Variants in SLC3A1 observed in about 807,000 individuals in gnomAD.
SLC3A1 encodes solute carrier family 3 member 1.
Under a neutral mutation model 60.3 loss-of-function variants are expected in SLC3A1, and 78 were observed. The ratio of observed to expected loss-of-function variants is 1.29; its 90% CI spans 1.08 to 1.56. The LOEUF is 1.56. SLC3A1 is among the 40% of genes most tolerant of loss of function. The probability of loss-of-function intolerance (pLI) is 0.00; values close to 1 mark genes in which losing one functional copy is unlikely to be tolerated. For missense variants in SLC3A1, 1,172 were observed against 858.9 expected (o/e 1.36, Z -4.56); for synonymous variants, 392 against 307.9 (o/e 1.27, Z -2.86).
chr2:44,321,648 CAA>C (rs1196588651), downstream of SLC3A1: 7 of 1,515,452 alleles, frequency 4.6e-6, no homozygotes, highest in African/African-American at 1.4e-5. Flanking sequence ...GTATCAAGTA[CAA>C]GAGAGAGACA....
intron 7 of SLC3A1, among the ~76,000 whole-genome samples, chr2:44,306,066 G>A (rs944304678): frequency 2.6e-5 from 4 of 152,186 alleles, no homozygotes; most frequent in African/African-American, 9.7e-5. Context: ...CTCAGGCTCA[G>A]GGTTTGTTTG....
chr2:44,318,402 T>C (rs974798229), intron 9 of SLC3A1: 2 of 177,942 alleles, frequency 1.1e-5, no homozygotes, highest in Non-Finnish European at 2.4e-5. Flanking sequence ...GCAAAATTTG[T>C]TTTTAATAGA....
chr2:44,320,661 G>C lies in SLC3A1; in HGVS notation c.*22G>C, dbSNP rs761541250. ...TTAGGCACCTTTATGAAGAGATGAA[G>C]ACACTGGCATTTCAGTGGGATTGTA... On this transcript the variant is annotated 3_prime_UTR_variant, in exon 10 of 10. Transcript: ENST00000260649. 2 of 1,579,984 alleles carry C rather than the reference G, an allele frequency of 1.3e-6. No individual in the cohort carries two copies.
At chr2:44,296,383 C>T (rs1362765368) in intron 4 of SLC3A1, among the ~76,000 whole-genome samples, 2 of 152,260 alleles carry the variant, frequency 1.3e-5, no homozygotes, top group East Asian at 3.9e-4. Context: ...TGCCTAAGTG[C>T]CTGGTATACA....
At chr2:44,308,940 G>A (rs1672223541) in intron 7 of SLC3A1, among the ~76,000 whole-genome samples, 1 of 152,088 alleles carries the variant, frequency 6.6e-6, no homozygotes, top group Non-Finnish European at 1.5e-5. Flanking sequence ...CACCGTGTTA[G>A]CCAAGATGGC....
chr2:44,299,215 T>C (rs1027059596), intron 4 of SLC3A1, among the ~76,000 whole-genome samples: 6 of 151,860 alleles, frequency 4.0e-5, no homozygotes, highest in Non-Finnish European at 2.9e-5. Context: ...CTTTTTGTAT[T>C]TTTAGTAGAG....
chr2:44,311,627 A>C (rs1339513960), intron 7 of SLC3A1, among the ~76,000 whole-genome samples: 6 of 152,050 alleles, frequency 3.9e-5, no homozygotes, highest in Non-Finnish European at 8.8e-5. Flanking sequence ...GGAGGCAAAA[A>C]TTGACCTAAT....
Position 44,321,481 on chromosome 2 carries a change from C to G in SLC3A1, c.*842C>G, listed in dbSNP as rs545142172. On this transcript the variant is annotated 3_prime_UTR_variant, in exon 10 of 10. Transcript: ENST00000260649. Reference sequence around the variant, plus strand: ...CACATTAAAAAAATTAAATAGAAGGCCTTTGTAGTAAAATGCCACTGTTTA... The same window carrying G: ...CACATTAAAAAAATTAAATAGAAGGGCTTTGTAGTAAAATGCCACTGTTTA... The G allele has an allele frequency of 1.4e-5, 22 of 1,594,286 alleles. No homozygotes were observed. In the South Asian group the frequency reaches 1.7e-4, roughly 12 times the overall value.
chr2:44,286,820 G>A (rs1671626285), intron 4 of SLC3A1, among the ~76,000 whole-genome samples: 3 of 151,640 alleles, frequency 2.0e-5, no homozygotes, highest in Admixed American at 1.3e-4. Context: ...GTGACGGTGA[G>A]CTGTGCGGTG....
chr2:44,312,875 T>G, intron 8 of SLC3A1, 122 bp downstream of exon 8: 2 of 813,478 alleles, frequency 2.5e-6, no homozygotes, highest in Non-Finnish European at 4.0e-6. Context: ...ATGGTTACTT[T>G]GCTTTTCTTT....
At position 44,275,804 on chromosome 2, in the gene SLC3A1, T is replaced by A. The variant is rs1297425870; in HGVS notation, c.269T>A (p.Phe90Tyr). Reference sequence around the variant, plus strand: ...TACCGCATACCTCGGGAGATCCTCTTCTGGCTCACAGTGGCTTCTGTGCTG... The same window carrying A: ...TACCGCATACCTCGGGAGATCCTCTACTGGCTCACAGTGGCTTCTGTGCTG... ...ARYRIPREIL[F>Y]WLTVASVLVL... Residue 90 changes from phenylalanine to tyrosine, a missense_variant, in exon 1 of 10, where the codon TTC (phenylalanine) becomes TAC (tyrosine). Transcript: ENST00000260649. The A allele has an allele frequency of 6.2e-7, 1 of 1,614,150 alleles. No homozygotes were observed. The highest frequency in any genetic ancestry group is 8.5e-7 in the Non-Finnish European group (1 of 1,180,060).
At chr2:44,284,369 C>T (rs776135356) in intron 3 of SLC3A1, among the ~76,000 whole-genome samples, 46 of 152,222 alleles carry the variant, frequency 3.0e-4, no homozygotes, top group Middle Eastern at 6.8e-3. Context: ...TGAGCCACCA[C>T]GCCCAACCAA....
At chr2:44,309,304 TAAC>T (rs1672236112) in intron 7 of SLC3A1, among the ~76,000 whole-genome samples, 1 of 152,210 alleles carries the variant, frequency 6.6e-6, no homozygotes, top group Non-Finnish European at 1.5e-5. Flanking sequence ...AGTGGAATCA[TAAC>T]AATATTTGTC....
rs1202396515 is a variant in SLC3A1 at position 44,275,507 on chromosome 2, G to A, written c.-29G>A. On this transcript the variant is annotated 5_prime_UTR_variant, in exon 1 of 10. Coordinates refer to ENST00000260649, the MANE Select transcript of SLC3A1 (RefSeq NM_000341.4). ...TCTTCCACCTCCCTTACTGCAGGAA[G>A]GCACTCCGAAGACATAAGTCGGTGA... 1 of 1,598,372 alleles carries A rather than the reference G, an allele frequency of 6.3e-7. No individual in the cohort carries two copies. Among genetic ancestry groups the A allele is most frequent in the Admixed American group, 1.7e-5 (1 of 59,434 alleles).
At chr2:44,312,394 T>C (rs1475557895) in intron 7 of SLC3A1, among the ~76,000 whole-genome samples, 192 bp from the exon 8 acceptor site, 1 of 152,224 alleles carries the variant, frequency 6.6e-6, no homozygotes, top group Admixed American at 6.5e-5. Context: ...CTTTTCTTGC[T>C]CATCAGTGGC....
At chr2:44,288,185 C>A (rs944778649) in intron 4 of SLC3A1, among the ~76,000 whole-genome samples, 8 of 152,064 alleles carry the variant, frequency 5.3e-5, no homozygotes, top group Middle Eastern at 3.2e-3. Context: ...TACCACCATG[C>A]CCGGCTAATT....
In SLC3A1 at chr2:44,312,769, C is replaced by T. The variant is rs763560586; in HGVS notation, c.1500+16C>T. ...CTATGATATTGTAAGTTGAATACAA[C>T]TTGACTATTCATCACAGCTATAAAA... is the stretch of plus-strand genomic sequence containing the variant. On this transcript the variant is annotated intron_variant, in intron 8 of 9. Coordinates refer to ENST00000260649, the MANE Select transcript of SLC3A1 (RefSeq NM_000341.4). The T allele has an allele frequency of 6.9e-6, 11 of 1,595,040 alleles. No individual in the cohort carries two copies. In the African/African-American group the frequency reaches 1.5e-4, roughly 22 times the overall value.
chr2:44,304,294 T>C lies in SLC3A1; in HGVS notation c.1288T>C (p.Ser430Pro). ...SGNSVYEVIT[S>P]WMENMPEGKW... ...GAACAGCGTGTATGAGGTTATCACA[T>C]CCTGGATGGAAAACATGCCAGAAGG... The change falls in exon 7 of 10, where the codon TCC becomes CCC. Residue 430 changes from serine to proline, a missense_variant. Coordinates refer to ENST00000260649, the MANE Select transcript of SLC3A1 (RefSeq NM_000341.4). 6.2e-7 allele frequency: 1 copy of C among 1,614,168 alleles called. No individual in the cohort carries two copies. Among genetic ancestry groups the C allele is most frequent in the Non-Finnish European group, 8.5e-7 (1 of 1,180,016 alleles).
At chr2:44,304,366 A>C (rs761541310) in intron 7 of SLC3A1, 28 bp downstream of exon 7, 1 of 1,552,528 alleles carries the variant, frequency 6.4e-7, no homozygotes, top group Non-Finnish European at 8.9e-7. Context: ...CAGAGTACAT[A>C]ATGTGCTGCT....
Sources: gnomAD v4.1 joint callset for allele counts (sites outside exome capture counted in the v4.1 genomes callset) on GRCh38, gnomAD v4.1.1 for gene constraint, MANE v1.5 for transcripts, NCBI Gene and HGNC (gene_info 2026-07-23, HGNC 2026-07-21) for gene names.